The following MYO9A variants were observed in gnomAD, a reference collection of about 807,000 sequenced individuals.
The protein encoded by MYO9A is myosin IXA, also known as unconventional myosin-IXa.
In MYO9A, 103 loss-of-function variants were observed where a neutral mutation model predicts 293.3. That is an observed-to-expected ratio of 0.35 (90% CI 0.30 to 0.41). MYO9A has a LOEUF of 0.41. Ranked by LOEUF, MYO9A falls within the 10% of genes least tolerant of loss-of-function variation. The pLI, the probability that MYO9A is intolerant of heterozygous loss-of-function variation, is 1.00. For missense variants in MYO9A, 2,685 were observed against 3,033.0 expected (o/e 0.89, Z 2.69); for synonymous variants, 1,001 against 1,035.7 (o/e 0.97, Z 0.64).
At position 72,094,629 on chromosome 15, in the gene MYO9A, T is replaced by A. The variant is rs2080018107; in HGVS notation, c.-72+23051A>T. Reference sequence around the variant, plus strand: ...CCTGTGCTCCAGCAATCCTCCTGCCTCAGCCTCCCAAGTAGCTAGCACTAC... The same window carrying A: ...CCTGTGCTCCAGCAATCCTCCTGCCACAGCCTCCCAAGTAGCTAGCACTAC... On this transcript the variant is annotated intron_variant, in intron 1 of 41. Coordinates refer to ENST00000356056, the MANE Select transcript of MYO9A (RefSeq NM_006901.4). 2.2e-5 allele frequency among the ~76,000 whole-genome samples: 2 copies of A among 92,070 alleles called. 1 individual carries two copies. The highest frequency in any genetic ancestry group is 6.6e-5 in the Non-Finnish European group (2 of 30,478). The allele number at this position is 92,070 out of a possible 152,430, so 60.4% of individuals were successfully genotyped here.
chr15:71,899,597 T>C, intron 24 of MYO9A, 90 bp downstream of exon 24: 1 of 1,158,612 alleles, frequency 8.6e-7, no homozygotes, highest in Non-Finnish European at 1.2e-6. Context: ...CAACCAATTC[T>C]AATACAAATT....
chr15:71,951,645 T>C (rs2059053534), intron 15 of MYO9A, 132 bp downstream of exon 15: 12 of 983,644 alleles, frequency 1.2e-5, no homozygotes, highest in Admixed American at 2.4e-5. Context: ...ATAGAAATAT[T>C]CAAAGACTGC....
At chr15:71,956,706 T>C (rs2059205746) in intron 14 of MYO9A, among the ~76,000 whole-genome samples, 1 of 150,474 alleles carries the variant, frequency 6.6e-6, no homozygotes, top group East Asian at 1.9e-4. Flanking sequence ...ACGTAGCATA[T>C]GTGTGTAGCA....
chr15:72,110,435 C>CAAAAAAAAAA (rs397854173), intron 1 of MYO9A, among the ~76,000 whole-genome samples: 5 of 45,106 alleles, frequency 1.1e-4, no homozygotes, highest in Non-Finnish European at 2.4e-4. Context: ...GACTCCATCT[C>CAAAAAAAAAA]AAAAAAAAAA....
intron 11 of MYO9A, 84 bp from the exon 12 acceptor site, chr15:71,978,376 G>T: frequency 1.8e-6 from 2 of 1,120,244 alleles, no homozygotes; most frequent in Non-Finnish European, 2.5e-6. Flanking sequence ...CTTTTACCCT[G>T]CTTAAAATTC....
At chr15:71,885,542 G>A (rs2056994288) in intron 27 of MYO9A, among the ~76,000 whole-genome samples, 1 of 151,936 alleles carries the variant, frequency 6.6e-6, no homozygotes, top group African/African-American at 2.4e-5. Context: ...CTTCTAACTT[G>A]CTCCAATTTG....
rs755109704 is a variant in MYO9A at position 71,880,572 on chromosome 15, T to C, written c.5399-14A>G. Reference sequence around the variant, plus strand: ...ATGCAGCTAATTCTACAATTCAAGATAGAAGACCCAAAAGGACACATTTAG... The same window carrying C: ...ATGCAGCTAATTCTACAATTCAAGACAGAAGACCCAAAAGGACACATTTAG... On this transcript the variant is annotated splice_polypyrimidine_tract_variant and intron_variant, in intron 28 of 41. Coordinates refer to ENST00000356056, the MANE Select transcript of MYO9A (RefSeq NM_006901.4). The C allele has an allele frequency of 4.4e-6, 7 of 1,601,538 alleles. No individual in the cohort carries two copies. The highest frequency in any genetic ancestry group is 1.7e-4 in the Middle Eastern group (1 of 5,962).
At chr15:71,988,588 C>G (rs2076462253) in intron 11 of MYO9A, among the ~76,000 whole-genome samples, 3 of 152,088 alleles carry the variant, frequency 2.0e-5, no homozygotes, top group African/African-American at 7.2e-5. Flanking sequence ...GTCCTTTAAG[C>G]AAAATAGAGG....
intron 1 of MYO9A, among the ~76,000 whole-genome samples, chr15:72,062,598 A>C (rs551286324): frequency 6.6e-6 from 1 of 152,372 alleles, no homozygotes; most frequent in Non-Finnish European, 1.5e-5. Context: ...GAATTGGTCA[A>C]GCAGGAGAAA....
Position 72,027,790 on chromosome 15 carries a change from G to T in MYO9A, c.939C>A (p.Ala313=). ...TCTCCAGTAGATATTTTTCAACATA[G>T]GCACTACAAGAAAAATTAAATTGGT... is the stretch of plus-strand genomic sequence containing the variant. The part of the protein sequence containing the change: ...NYQETGTVLG[A]YVEKYLLEKS... The change falls in exon 4 of 42, where the codon GCC becomes GCA. Residue 313 remains alanine (A), a synonymous_variant. Transcript: ENST00000356056. 1 of 1,601,336 alleles carries T rather than the reference G, an allele frequency of 6.2e-7. No individual in the cohort carries two copies. The highest frequency in any genetic ancestry group is 8.5e-7 in the Non-Finnish European group (1 of 1,173,566).
intron 1 of MYO9A, among the ~76,000 whole-genome samples, chr15:72,078,245 G>C (rs963383823): frequency 2.6e-5 from 4 of 152,138 alleles, no homozygotes; most frequent in African/African-American, 9.7e-5. Flanking sequence ...TGTAATCCTA[G>C]CACTTTGGAA....
intron 1 of MYO9A, among the ~76,000 whole-genome samples, chr15:72,068,454 T>G (rs2079085263): frequency 6.6e-6 from 1 of 151,822 alleles, no homozygotes; most frequent in Non-Finnish European, 1.5e-5. Flanking sequence ...ACAACTACTA[T>G]GTTGATGATT....
At chr15:72,063,193 A>G (rs979832258) in intron 1 of MYO9A, among the ~76,000 whole-genome samples, 1 of 152,266 alleles carries the variant, frequency 6.6e-6, no homozygotes, top group African/African-American at 2.4e-5. Context: ...CTGGACATCC[A>G]TATGCAGAAG....
intron 15 of MYO9A, among the ~76,000 whole-genome samples, chr15:71,941,657 G>A (rs533881691): frequency 6.6e-6 from 1 of 152,126 alleles, no homozygotes; most frequent in South Asian, 2.1e-4. Flanking sequence ...AACAATGAAA[G>A]TCCAAAAGGT....
Position 71,968,002 on chromosome 15 carries a change from T to A in MYO9A, c.1968A>T (p.Lys656Asn). 1 of 1,610,200 alleles carries A rather than the reference T, an allele frequency of 6.2e-7. No individual in the cohort carries two copies. The highest frequency in any genetic ancestry group is 8.5e-7 in the Non-Finnish European group (1 of 1,178,656). ...PAFIIKHYAGKVKYGVKDFRE... is the reference protein window; with the variant it reads ...PAFIIKHYAGNVKYGVKDFRE... Reference sequence around the variant, plus strand: ...TACTGACCTTTACCCCATATTTTACTTTTCCAGCATAATGTTTTATAATGA... The same window carrying A: ...TACTGACCTTTACCCCATATTTTACATTTCCAGCATAATGTTTTATAATGA... Residue 656 changes from lysine to asparagine, a missense_variant, in exon 13 of 42, where the codon AAA becomes AAT. Physicochemically the swap from Lys to Asn is moderately conservative, Grantham distance 94 (BLOSUM62 0). Coordinates refer to ENST00000356056, the MANE Select transcript of MYO9A (RefSeq NM_006901.4).
rs748449645 is a variant in MYO9A at position 71,923,622 on chromosome 15, T to C, written c.2563-7130A>G. Among the ~76,000 whole-genome samples the C allele has an allele frequency of 2.0e-5, 3 of 152,300 alleles. No homozygotes were observed. The South Asian group carries it at 6.2e-4, about 32-fold the overall frequency. On this transcript the variant is annotated intron_variant, in intron 18 of 41. Coordinates refer to ENST00000356056, the MANE Select transcript of MYO9A (RefSeq NM_006901.4). ...TGACTAGGAATTTACCCATTTCTTC[T>C]AGGTTTTCCAAATAGTTGCCTTATA...
chr15:72,087,651 C>CA (rs1310066111), intron 1 of MYO9A, among the ~76,000 whole-genome samples: 5 of 152,200 alleles, frequency 3.3e-5, no homozygotes, highest in African/African-American at 1.2e-4. Context: ...TGTCTACTCT[C>CA]AGTGCCTTCC....
chr15:72,091,433 C>G (rs943891124), intron 1 of MYO9A, among the ~76,000 whole-genome samples: 3 of 151,962 alleles, frequency 2.0e-5, no homozygotes, highest in African/African-American at 7.3e-5. Context: ...TTCCACATGG[C>G]TAAAACAGTA....
intron 32 of MYO9A, among the ~76,000 whole-genome samples, chr15:71,870,787 T>G (rs2056485866): frequency 6.6e-6 from 1 of 152,230 alleles, no homozygotes; most frequent in Non-Finnish European, 1.5e-5. Context: ...TTTGTGTGGA[T>G]TCACTCAATG....
Sources: gnomAD v4.1 joint callset for allele counts (sites outside exome capture counted in the v4.1 genomes callset) on GRCh38, gnomAD v4.1.1 for gene constraint, MANE v1.5 for transcripts, NCBI Gene and HGNC (gene_info 2026-07-23, HGNC 2026-07-21) for gene names.